The following C12orf76 variants were observed in gnomAD, a reference collection of about 807,000 sequenced individuals.
C12orf76 encodes the protein chromosome 12 open reading frame 76.
A neutral mutation model predicts 6.8 loss-of-function variants in C12orf76; 6 were observed. The ratio of observed to expected loss-of-function variants is 0.88; its 90% CI spans 0.48 to 1.73. The LOEUF (loss-of-function observed/expected upper bound fraction) is 1.73, where lower values mean the gene tolerates loss of function less well. Among genes scored for constraint, C12orf76 ranks in the 40% most tolerant of loss-of-function variants. The pLI is 0.01. For synonymous variants in C12orf76, 56 were observed against 43.7 expected (o/e 1.28, Z -1.11); for missense variants, 99 against 98.2 (o/e 1.01, Z -0.03).
At chr12:110,053,220 TG>T (rs1566075317), upstream of C12orf76, among the ~76,000 whole-genome samples, 2 of 149,586 alleles carry the variant, frequency 1.3e-5, no homozygotes, top group Non-Finnish European at 1.5e-5. Context: ...CAGGTGAGAC[TG>T]GGCACGGTGG....
At chr12:110,049,650 G>GA (rs781138101), upstream of C12orf76, 22 of 152,290 alleles carry the variant, frequency 1.4e-4, 1 homozygote, top group East Asian at 7.7e-4. Context: ...CACAATGGTG[G>GA]AATGTCATCA....
intron 4 of C12orf76, among the ~76,000 whole-genome samples, chr12:110,055,285 C>T (rs1164080673): frequency 1.3e-5 from 2 of 150,372 alleles, no homozygotes; most frequent in African/African-American, 4.9e-5. Flanking sequence ...ACTATCTCTG[C>T]TCACTGCAGC....
At chr12:110,064,053 A>G (rs990842555) in intron 2 of C12orf76, among the ~76,000 whole-genome samples, 7 of 152,216 alleles carry the variant, frequency 4.6e-5, no homozygotes, top group South Asian at 2.1e-4. Context: ...CTGTGTAACA[A>G]ATAGAAACTC....
At chr12:110,066,847 G>T (rs1253026778) in intron 1 of C12orf76, among the ~76,000 whole-genome samples, 1 of 152,200 alleles carries the variant, frequency 6.6e-6, no homozygotes, top group Non-Finnish European at 1.5e-5. Context: ...TGGGAAATAG[G>T]TGTCCAGCCA....
chr12:110,042,675 A>G (rs1273221332), intron 1 of C12orf76: 7 of 493,804 alleles, frequency 1.4e-5, no homozygotes, highest in Non-Finnish European at 2.6e-5. Context: ...ATATACCGTG[A>G]AAAAAAAAAA....
upstream of C12orf76, among the ~76,000 whole-genome samples, chr12:110,068,243 GAAGA>G (rs1175488557): frequency 6.8e-5 from 9 of 133,042 alleles, no homozygotes; most frequent in South Asian, 2.4e-4. Flanking sequence ...AGAAGAAGAA[GAAGA>G]AAGAAGAAGA....
chr12:110,046,950 G>A (rs372697036), intron 1 of C12orf76, among the ~76,000 whole-genome samples: 4 of 152,076 alleles, frequency 2.6e-5, no homozygotes, highest in Non-Finnish European at 4.4e-5. Context: ...CCAACATGTC[G>A]TAATATCCAG....
chr12:110,048,142 G>C (rs1424817054), intron 1 of C12orf76, among the ~76,000 whole-genome samples: 8 of 152,298 alleles, frequency 5.3e-5, no homozygotes, highest in Middle Eastern at 3.4e-3. Context: ...CGAAGGTTCT[G>C]GCACATATTG....
chr12:110,050,984 A>G (rs1892564778), upstream of C12orf76: 1 of 758,738 alleles, frequency 1.3e-6, no homozygotes, highest in Non-Finnish European at 2.4e-6. Context: ...CGTTAACACT[A>G]CCAGGTGTTC....
intron 2 of C12orf76, among the ~76,000 whole-genome samples, chr12:110,064,249 T>C (rs919334336): frequency 1.2e-4 from 19 of 152,340 alleles, no homozygotes; most frequent in African/African-American, 4.3e-4. Flanking sequence ...ATTCCTTGTA[T>C]ATGGAAGTGT....
chr12:110,061,175 C>T (rs1209719590), intron 2 of C12orf76, among the ~76,000 whole-genome samples: 1 of 151,512 alleles, frequency 6.6e-6, no homozygotes, highest in African/African-American at 2.4e-5. Flanking sequence ...GTTCCATGAA[C>T]ACTTCGAACT....
chr12:110,063,242 C>T (rs1055209530), intron 2 of C12orf76, among the ~76,000 whole-genome samples: 1 of 151,542 alleles, frequency 6.6e-6, no homozygotes, highest in African/African-American at 2.4e-5. Flanking sequence ...ACCCAGCCCC[C>T]CTTTTTTAAT....
chr12:110,048,483 C>T lies in C12orf76; in HGVS notation c.13G>A (p.Ala5Thr). The T allele has an allele frequency of 6.9e-7, 1 of 1,450,852 alleles. No homozygotes were observed. The highest frequency in any genetic ancestry group is 1.3e-5 in the South Asian group (1 of 75,852). 89.9% of individuals were successfully genotyped at this position (1,450,852 alleles called of 1,614,324 possible). MLRP[A>T]LPWLYLGLCS... ...AGGCCAAGGTACAGCCACGGTAACGCTGGACGCAGCATCTTCCCCAGCCCT... is the reference window on the plus strand; with the variant it reads ...AGGCCAAGGTACAGCCACGGTAACGTTGGACGCAGCATCTTCCCCAGCCCT... The change falls in exon 1 of 2, where the codon GCG (alanine) becomes ACG (threonine). Residue 5 changes from alanine to threonine, a missense_variant. Ala to Thr is a moderately conservative substitution (Grantham distance 58). Coordinates refer to ENST00000615315, the MANE Select transcript of C12orf76 (RefSeq NM_001389625.1).
At chr12:110,051,034 CTG>C (rs745486820), upstream of C12orf76, 1 of 778,654 alleles carries the variant, frequency 1.3e-6, no homozygotes, top group South Asian at 1.3e-5. Flanking sequence ...GTTAAAGACA[CTG>C]TGCACCAACT....
At chr12:110,064,723 C>T (rs546446460) in intron 2 of C12orf76, among the ~76,000 whole-genome samples, 1 of 152,134 alleles carries the variant, frequency 6.6e-6, no homozygotes, top group Non-Finnish European at 1.5e-5. Context: ...ACCTTGGCCT[C>T]GCCTTCTCGG....
upstream of C12orf76, chr12:110,051,191 C>T: frequency 1.3e-6 from 1 of 777,236 alleles, no homozygotes; most frequent in East Asian, 2.4e-5. Flanking sequence ...AGGAAAGCAT[C>T]AATGGGAGGC....
At chr12:110,059,165 T>A (rs1309386457) in intron 2 of C12orf76, 4 of 1,540,150 alleles carry the variant, frequency 2.6e-6, no homozygotes, top group Non-Finnish European at 3.5e-6. Context: ...TGTTCCTTGC[T>A]GGTGTAAAAA....
chr12:110,068,312 A>AGAAGAAGAG (rs1892913232), upstream of C12orf76, among the ~76,000 whole-genome samples: 1 of 146,266 alleles, frequency 6.8e-6, no homozygotes, highest in Admixed American at 6.8e-5. Context: ...AAGAAGAAGA[A>AGAAGAAGAG]GAAGAAGAAG....
chr12:110,050,733 C>T, upstream of C12orf76: 2 of 483,526 alleles, frequency 4.1e-6, no homozygotes, highest in Non-Finnish European at 7.3e-6. Flanking sequence ...GCCTAACCAG[C>T]AGCCCTCGGG....
Sources: allele counts gnomAD v4.1 joint callset (sites outside exome capture counted in the v4.1 genomes callset), GRCh38; gene constraint gnomAD v4.1.1; transcripts MANE v1.5; gene names NCBI Gene and HGNC (gene_info 2026-07-23, HGNC 2026-07-21).